Variants in KCTD8 observed in about 807,000 individuals in gnomAD.
KCTD8 encodes potassium channel tetramerization domain containing 8, also known as BTB/POZ domain-containing protein KCTD8.
Under a neutral mutation model 31.5 loss-of-function variants are expected in KCTD8, and 27 were observed. The ratio of observed to expected loss-of-function variants is 0.86; its 90% CI spans 0.63 to 1.18. KCTD8 has a LOEUF of 1.18. KCTD8 is among the 50% of genes most tolerant of loss of function. KCTD8 has a pLI of 0.00. For missense variants in KCTD8, 658 were observed against 647.7 expected (o/e 1.02, Z -0.17); for synonymous variants, 290 against 280.0 (o/e 1.04, Z -0.36).
At chr4:44,336,164 A>G (rs1406953235) in intron 1 of KCTD8, among the ~76,000 whole-genome samples, 5 of 148,812 alleles carry the variant, frequency 3.4e-5, no homozygotes, top group African/African-American at 1.2e-4. Context: ...AAAAAAAAAA[A>G]AAAAAAAAAA....
chr4:44,214,152 A>G (rs571408274), intron 1 of KCTD8, among the ~76,000 whole-genome samples: 1 of 152,294 alleles, frequency 6.6e-6, no homozygotes, highest in African/African-American at 2.4e-5. Flanking sequence ...ATAAGCTTCA[A>G]TCATCTGGCC....
chr4:44,423,245 G>A (rs1721265450), intron 1 of KCTD8, among the ~76,000 whole-genome samples: 1 of 152,064 alleles, frequency 6.6e-6, no homozygotes, highest in African/African-American at 2.4e-5. Flanking sequence ...GGTTGAGAAA[G>A]CCTGACCTAA....
intron 1 of KCTD8, among the ~76,000 whole-genome samples, chr4:44,213,653 TA>T (rs1326762303): frequency 2.1e-4 from 32 of 152,220 alleles, no homozygotes; most frequent in African/African-American, 7.2e-4. Flanking sequence ...CCCTGTGGTA[TA>T]AGGGCAACAT....
chr4:44,181,386 CA>C, intron 1 of KCTD8, among the ~76,000 whole-genome samples: 1 of 152,338 alleles, frequency 6.6e-6, no homozygotes, highest in South Asian at 2.1e-4. Flanking sequence ...CCTGCGATTG[CA>C]GGCGCGCACC....
chr4:44,327,778 T>C (rs557850432), intron 1 of KCTD8, among the ~76,000 whole-genome samples: 23 of 151,922 alleles, frequency 1.5e-4, no homozygotes, highest in Admixed American at 2.6e-4. Context: ...GCCCCATCTA[T>C]TGAATGGAGG....
chr4:44,433,094 C>A (rs1463530736), intron 1 of KCTD8, among the ~76,000 whole-genome samples: 1 of 151,636 alleles, frequency 6.6e-6, no homozygotes, highest in African/African-American at 2.4e-5. Flanking sequence ...GGAACATTTC[C>A]ACCTGAAACT....
At chr4:44,360,007 A>T (rs1719454871) in intron 1 of KCTD8, among the ~76,000 whole-genome samples, 1 of 152,040 alleles carries the variant, frequency 6.6e-6, no homozygotes, top group East Asian at 1.9e-4. Context: ...ACATAGTAAC[A>T]ATTAACCCCT....
chr4:44,280,890 A>G (rs753814315), intron 1 of KCTD8, among the ~76,000 whole-genome samples: 32 of 152,208 alleles, frequency 2.1e-4, no homozygotes, highest in Middle Eastern at 3.4e-3. Context: ...GTAATTTTTC[A>G]TTAGTAGTGA....
chr4:44,442,960 A>G (rs1327070246), intron 1 of KCTD8, among the ~76,000 whole-genome samples: 2 of 152,230 alleles, frequency 1.3e-5, no homozygotes, highest in Non-Finnish European at 2.9e-5. Context: ...ACAAAAAAAT[A>G]TAAGTTCAAA....
chr4:44,229,490 G>A (rs1295211072), intron 1 of KCTD8, among the ~76,000 whole-genome samples: 1 of 152,164 alleles, frequency 6.6e-6, no homozygotes, highest in African/African-American at 2.4e-5. Context: ...CACTGCACTT[G>A]CTCACTTCCC....
In KCTD8 at chr4:44,448,691, G is replaced by C; in HGVS notation, c.-168C>G. ...AGGGTTCGGGGCAGCGGCGGCGTCG[G>C]CGGCGCCCGAGCTCCATCGGAGGAG... is the stretch of plus-strand genomic sequence containing the variant. On this transcript the variant is annotated 5_prime_UTR_variant, in exon 1 of 2. Transcript: ENST00000360029. The surrounding 1 kb of genome is among the most constrained non-coding windows in gnomAD (Gnocchi z 4.1). 1.6e-6 allele frequency: 1 copy of C among 620,362 alleles called. No homozygotes were observed. The highest frequency in any genetic ancestry group is 2.3e-6 in the Non-Finnish European group (1 of 429,398). The allele number at this position is 620,362 out of a possible 1,614,324, so 38.4% of individuals were successfully genotyped here.
chr4:44,322,340 G>T (rs1305657864), intron 1 of KCTD8, among the ~76,000 whole-genome samples: 1 of 151,898 alleles, frequency 6.6e-6, no homozygotes, highest in East Asian at 1.9e-4. Flanking sequence ...CATTCCTGTG[G>T]TGATTAATGA....
chr4:44,423,386 T>C (rs561971101), intron 1 of KCTD8, among the ~76,000 whole-genome samples: 7 of 152,250 alleles, frequency 4.6e-5, no homozygotes, highest in Admixed American at 1.3e-4. Context: ...AATAATCTAT[T>C]AGTAAAAACA....
At chr4:44,330,790 G>A (rs1560427964) in intron 1 of KCTD8, among the ~76,000 whole-genome samples, 1 of 151,854 alleles carries the variant, frequency 6.6e-6, no homozygotes. Context: ...TCATGCTAGG[G>A]TTGCTTATGA....
intron 1 of KCTD8, among the ~76,000 whole-genome samples, chr4:44,260,848 T>C (rs1334856234): frequency 2.6e-5 from 4 of 151,316 alleles, no homozygotes; most frequent in Non-Finnish European, 4.4e-5. Flanking sequence ...AGCAAGGGAG[T>C]GGTATGGTAT....
At chr4:44,182,157 C>G (rs551817160) in intron 1 of KCTD8, among the ~76,000 whole-genome samples, 21 of 151,310 alleles carry the variant, frequency 1.4e-4, no homozygotes, top group East Asian at 8.0e-4. Flanking sequence ...CCGCCCCGTC[C>G]GAGAGGGAGG....
chr4:44,361,101 T>G (rs1311609426), intron 1 of KCTD8, among the ~76,000 whole-genome samples: 1 of 151,956 alleles, frequency 6.6e-6, no homozygotes, highest in African/African-American at 2.4e-5. Context: ...CTTCAAGTTT[T>G]TCACTGACAT....
chr4:44,231,176 C>T (rs1235185281), intron 1 of KCTD8, among the ~76,000 whole-genome samples: 1 of 152,120 alleles, frequency 6.6e-6, no homozygotes, highest in Non-Finnish European at 1.5e-5. Flanking sequence ...CTCCAGCTGC[C>T]ATATGACTTG....
intron 1 of KCTD8, among the ~76,000 whole-genome samples, chr4:44,445,045 C>T (rs1721906842): frequency 1.3e-5 from 2 of 152,116 alleles, no homozygotes; most frequent in Non-Finnish European, 2.9e-5. Context: ...TAACTTTGCT[C>T]TTATGAGTAA....
Sources: gnomAD v4.1 joint callset for allele counts (sites outside exome capture counted in the v4.1 genomes callset) on GRCh38, gnomAD v4.1.1 for gene constraint, Gnocchi (gnomAD v3.1) non-coding constraint, MANE v1.5 for transcripts, NCBI Gene and HGNC (gene_info 2026-07-23, HGNC 2026-07-21) for gene names.